The following KCNQ3 variants were observed in gnomAD, a reference collection of about 807,000 sequenced individuals.
KCNQ3 encodes the protein potassium voltage-gated channel subfamily KQT member 3.
In KCNQ3, 30 loss-of-function variants were observed where a neutral mutation model predicts 92.5. The observed-to-expected ratio is 0.32, with a 90% confidence interval of 0.24 to 0.44. The LOEUF (loss-of-function observed/expected upper bound fraction) is 0.44, where lower values mean the gene tolerates loss of function less well. KCNQ3 is among the 20% of genes least tolerant of loss of function. The pLI, the probability that KCNQ3 is intolerant of heterozygous loss-of-function variation, is 1.00. For missense variants in KCNQ3, 913 were observed against 1,140.3 expected (o/e 0.80, Z 2.87); for synonymous variants, 450 against 468.8 (o/e 0.96, Z 0.52).
chr8:132,280,877 T>C lies in KCNQ3; in HGVS notation c.387-94696A>G, dbSNP rs1370692214. On this transcript the variant is annotated intron_variant, in intron 1 of 14. Transcript: ENST00000388996. ...CAGAGAACATGGTAGGAACTGAGCA[T>C]AGAGAGCTACACTGGGGCTTGTTCC... Among the ~76,000 whole-genome samples, 5 of 152,156 alleles carry C rather than the reference T, an allele frequency of 3.3e-5. 1 individual carries two copies. Among genetic ancestry groups the C allele is most frequent in the East Asian group, 1.9e-4 (1 of 5,152 alleles).
intron 1 of KCNQ3, among the ~76,000 whole-genome samples, chr8:132,402,174 T>G (rs560749958): frequency 6.6e-6 from 1 of 152,228 alleles, no homozygotes; most frequent in Middle Eastern, 3.4e-3. Flanking sequence ...GTGGGCACTG[T>G]GAGGGGCCAC....
intron 1 of KCNQ3, among the ~76,000 whole-genome samples, chr8:132,272,848 C>G (rs1316543602): frequency 6.6e-6 from 1 of 152,116 alleles, no homozygotes; most frequent in East Asian, 1.9e-4. Context: ...CACCCTGGCC[C>G]CTTCCAAATC....
intron 1 of KCNQ3, among the ~76,000 whole-genome samples, chr8:132,249,629 C>G (rs1322711719): frequency 6.6e-6 from 1 of 152,234 alleles, no homozygotes; most frequent in Non-Finnish European, 1.5e-5. Context: ...ACAGGCTGAG[C>G]TGCCCGCCAG....
At chr8:132,322,302 G>C (rs1159835580) in intron 1 of KCNQ3, among the ~76,000 whole-genome samples, 1 of 152,182 alleles carries the variant, frequency 6.6e-6, no homozygotes, top group Non-Finnish European at 1.5e-5. Flanking sequence ...ATGCCCCAGA[G>C]AGTCATTTGG....
chr8:132,196,388 T>C (rs1465720955), intron 1 of KCNQ3, among the ~76,000 whole-genome samples: 1 of 152,248 alleles, frequency 6.6e-6, no homozygotes, highest in African/African-American at 2.4e-5. Context: ...GGATTTCTTC[T>C]TATCTCCTCA....
chr8:132,456,039 C>A (rs1253720021), intron 1 of KCNQ3, among the ~76,000 whole-genome samples: 1 of 152,182 alleles, frequency 6.6e-6, no homozygotes, highest in Non-Finnish European at 1.5e-5. Context: ...GCCACCGTGC[C>A]CGGCCGATGG....
At chr8:132,461,015 T>C in intron 1 of KCNQ3, among the ~76,000 whole-genome samples, 1 of 152,238 alleles carries the variant, frequency 6.6e-6, no homozygotes, top group East Asian at 1.9e-4. Flanking sequence ...CACTGTAGCT[T>C]TTGTCATTTA....
intron 1 of KCNQ3, among the ~76,000 whole-genome samples, chr8:132,412,081 G>A (rs1295824872): frequency 1.3e-5 from 2 of 152,210 alleles, no homozygotes; most frequent in African/African-American, 4.8e-5. Flanking sequence ...AGAGAGGACT[G>A]AGAATGAAGC....
chr8:132,458,943 T>C (rs1822003471), intron 1 of KCNQ3, among the ~76,000 whole-genome samples: 1 of 152,248 alleles, frequency 6.6e-6, no homozygotes, highest in South Asian at 2.1e-4. Flanking sequence ...AGTTTTTACT[T>C]AATACCCTCT....
chr8:132,268,299 G>T (rs563912069), intron 1 of KCNQ3, among the ~76,000 whole-genome samples: 1 of 152,262 alleles, frequency 6.6e-6, no homozygotes, highest in South Asian at 2.1e-4. Context: ...TTGAGATGGA[G>T]TCTCACTCAG....
At chr8:132,262,996 C>T (rs188485234) in intron 1 of KCNQ3, among the ~76,000 whole-genome samples, 6 of 152,266 alleles carry the variant, frequency 3.9e-5, no homozygotes, top group Admixed American at 6.5e-5. Flanking sequence ...AATTGAGCAA[C>T]GGTCCCAGAT....
intron 1 of KCNQ3, among the ~76,000 whole-genome samples, chr8:132,270,961 A>G (rs1199019740): frequency 6.6e-6 from 1 of 152,244 alleles, no homozygotes; most frequent in African/African-American, 2.4e-5. Context: ...CAATCCAGTC[A>G]ATTGTGTTAC....
intron 4 of KCNQ3, among the ~76,000 whole-genome samples, chr8:132,179,243 C>T (rs763196906): frequency 6.6e-6 from 1 of 151,906 alleles, no homozygotes; most frequent in Non-Finnish European, 1.5e-5. Context: ...TCTAAATGAA[C>T]TGGATTCTGG....
rs1824580252 is a variant in KCNQ3, at chr8:132,123,999, A to G, written c.*5263T>C. 6.6e-6 allele frequency: 1 copy of G among 152,068 alleles called. No homozygotes were observed. The highest frequency in any genetic ancestry group is 1.5e-5 in the Non-Finnish European group (1 of 68,020). 9.4% of individuals were successfully genotyped at this position (152,068 alleles called of 1,614,324 possible). On this transcript the variant is annotated 3_prime_UTR_variant, in exon 15 of 15. Coordinates refer to ENST00000388996, the MANE Select transcript of KCNQ3 (RefSeq NM_004519.4). ...CCATGCACAGTTGACTTTCCTTGGG[A>G]AATCATGAGTCTTTTATTTTTGCAA...
chr8:132,399,523 C>A (rs918916236), intron 1 of KCNQ3, among the ~76,000 whole-genome samples: 1 of 152,140 alleles, frequency 6.6e-6, no homozygotes, highest in Admixed American at 6.5e-5. Flanking sequence ...GCGCCCTCCA[C>A]CCCTGGAAGA....
Position 132,187,249 on chromosome 8 carries a change from C to T in KCNQ3, c.387-1068G>A, listed in dbSNP as rs71526247. On this transcript the variant is annotated intron_variant, in intron 1 of 14. Transcript: ENST00000388996. The stretch of plus-strand genomic sequence containing the variant: ...ATTCATTCAATATTTAAATGGCAGA[C>T]GTTGCGCATACAGAGCTGGAATTCA... 6.8e-3 allele frequency: 3,114 copies of T among 455,946 alleles called. 31 individuals carry two copies. The highest frequency in any genetic ancestry group is 0.021 in the South Asian group (1,336 of 64,542). 28.2% of individuals were successfully genotyped at this position (455,946 alleles called of 1,614,324 possible).
rs1438607992 is a variant in KCNQ3, at chr8:132,480,306, T to A, written c.227A>T (p.Glu76Val). Residue 76 changes from glutamate (E) to valine (V), a missense_variant, in exon 1 of 15, where the codon GAG becomes GTG. Coordinates refer to ENST00000388996, the MANE Select transcript of KCNQ3 (RefSeq NM_004519.4). ...GCCCTGCGGGGTCCTCCGCTGCCCC[T>A]CGTCGCGGCCGCCGCCCTCCAGCAG... ...TLLLEGGGRD[E>V]GQRRTPQGIG... 1.2e-6 allele frequency: 2 copies of A among 1,603,598 alleles called. No homozygotes were observed. Among genetic ancestry groups the A allele is most frequent in the South Asian group, 1.1e-5 (1 of 89,676 alleles).
intron 1 of KCNQ3, among the ~76,000 whole-genome samples, chr8:132,342,309 C>T (rs1563869092): frequency 6.8e-6 from 1 of 146,340 alleles, no homozygotes; most frequent in Non-Finnish European, 1.5e-5. Context: ...CCATTGATTT[C>T]TTTTTTCTTT....
At chr8:132,328,175 G>A (rs1238939390) in intron 1 of KCNQ3, among the ~76,000 whole-genome samples, 1 of 152,106 alleles carries the variant, frequency 6.6e-6, no homozygotes, top group Admixed American at 6.5e-5. Context: ...CCCAGGAATA[G>A]GAAAGTGACA....
Sources: gnomAD v4.1 joint callset for allele counts (sites outside exome capture counted in the v4.1 genomes callset) on GRCh38, gnomAD v4.1.1 for gene constraint, MANE v1.5 for transcripts, NCBI Gene and HGNC (gene_info 2026-07-23, HGNC 2026-07-21) for gene names.